Variants in RALGPS2 observed in about 807,000 individuals in gnomAD.
RALGPS2 encodes Ral GEF with PH domain and SH3 binding motif 2.
In RALGPS2, 43 loss-of-function variants were observed where a neutral mutation model predicts 86.8. The observed-to-expected ratio is 0.50, with a 90% CI of 0.39 to 0.64. The LOEUF (loss-of-function observed/expected upper bound fraction) is 0.64. Among genes scored for constraint, RALGPS2 ranks in the 30% least tolerant of loss-of-function variants. RALGPS2 has a pLI of 0.00. For synonymous variants in RALGPS2, 243 were observed against 231.3 expected, an observed-to-expected ratio of 1.05 and a Z score of -0.46; for missense variants, 536 against 694.6, an observed-to-expected ratio of 0.77 and a Z score of 2.57.
chr1:178,738,951 A>AT (rs1373569675), intron 1 of RALGPS2, among the ~76,000 whole-genome samples: 3 of 152,196 alleles, frequency 2.0e-5, no homozygotes, highest in African/African-American at 4.8e-5. Context: ...TGTCTAGAAC[A>AT]TTTTTTTGCC....
At chr1:178,737,535 C>T (rs571975568) in intron 1 of RALGPS2, among the ~76,000 whole-genome samples, 1 of 152,130 alleles carries the variant, frequency 6.6e-6, no homozygotes, top group Admixed American at 6.5e-5. Context: ...CATGAGCCAC[C>T]GCACCTGGCC....
chr1:178,892,086 AAG>A, intron 14 of RALGPS2, 142 bp from the exon 15 acceptor site: 2 of 795,802 alleles, frequency 2.5e-6, no homozygotes, highest in Non-Finnish European at 1.9e-6. Flanking sequence ...TTAAAAAAGA[AAG>A]AGGAACAATC....
chr1:178,753,331 T>C (rs1324082310), intron 1 of RALGPS2, among the ~76,000 whole-genome samples: 2 of 152,176 alleles, frequency 1.3e-5, no homozygotes, highest in African/African-American at 4.8e-5. Flanking sequence ...TTCTCTATGG[T>C]ATTTGGGGGT....
intron 11 of RALGPS2, 93 bp from the exon 12 acceptor site, chr1:178,884,983 C>A: frequency 1.6e-6 from 2 of 1,283,232 alleles, no homozygotes; most frequent in Non-Finnish European, 2.1e-6. Context: ...AACATCAGTA[C>A]TATCTCAAAA....
At chr1:178,747,756 G>T in intron 1 of RALGPS2, 1 of 1,004,766 alleles carries the variant, frequency 1.0e-6, no homozygotes, top group Admixed American at 1.9e-5. Context: ...GGTGGGCATG[G>T]CAGCAGGAGC....
chr1:178,749,096 C>T (rs971703142), intron 1 of RALGPS2, among the ~76,000 whole-genome samples: 6 of 152,138 alleles, frequency 3.9e-5, no homozygotes, highest in Non-Finnish European at 5.9e-5. Flanking sequence ...CTTACAGGTA[C>T]ACACCACCAA....
At chr1:178,851,215 G>T in intron 8 of RALGPS2, 3 of 1,614,006 alleles carry the variant, frequency 1.9e-6, no homozygotes, top group South Asian at 2.2e-5. Context: ...CCATCTTGGT[G>T]CTTGCTTCTG....
In RALGPS2 at chr1:178,918,273, A is replaced by G. The variant is rs1306125401; in HGVS notation, c.*1914A>G. 1.3e-5 allele frequency: 2 copies of G among 152,174 alleles called. No homozygotes were observed. Among genetic ancestry groups the G allele is most frequent in the Non-Finnish European group, 2.9e-5 (2 of 68,002 alleles). 9.4% of individuals were successfully genotyped at this position (152,174 alleles called of 1,614,324 possible). A position where few individuals can be genotyped will look rare whatever the true frequency, so the allele number is the denominator to read the frequency against. ...CAGTATTACTACGTAGACCTTGCAC[A>G]TCTTACTTTTGTTTTGCATTTTTAA... On this transcript the variant is annotated 3_prime_UTR_variant, in exon 20 of 20. Coordinates refer to ENST00000367635, the MANE Select transcript of RALGPS2 (RefSeq NM_152663.5).
At chr1:178,893,554 T>C (rs1414670407) in intron 15 of RALGPS2, among the ~76,000 whole-genome samples, 1 of 151,708 alleles carries the variant, frequency 6.6e-6, no homozygotes, top group Non-Finnish European at 1.5e-5. Flanking sequence ...ACTTAAAGTT[T>C]CTATGTGGAA....
At chr1:178,855,183 G>A (rs1299353649) in intron 8 of RALGPS2, among the ~76,000 whole-genome samples, 1 of 151,924 alleles carries the variant, frequency 6.6e-6, no homozygotes, top group Non-Finnish European at 1.5e-5. Context: ...TATTCCTTTT[G>A]GGTCTTACTG....
At chr1:178,872,842 T>C (rs972796970) in intron 8 of RALGPS2, among the ~76,000 whole-genome samples, 3 of 152,168 alleles carry the variant, frequency 2.0e-5, no homozygotes, top group African/African-American at 7.2e-5. Context: ...ATATGTTAAA[T>C]TGAAAATGAA....
rs1411617944 is a variant in RALGPS2, at chr1:178,765,461, G to A, written c.-83-11221G>A. Among the ~76,000 whole-genome samples, 5 of 152,164 alleles carry A rather than the reference G, an allele frequency of 3.3e-5. No individual in the cohort carries two copies. The East Asian group carries it at 9.6e-4, about 29-fold the overall frequency. ...GTACGAATAAGGTGTGGGTCACAGA[G>A]ATCACATGCTTCACAAGGTAATAAA... On this transcript the variant is annotated intron_variant, in intron 1 of 19. Coordinates refer to ENST00000367635, the MANE Select transcript of RALGPS2 (RefSeq NM_152663.5).
chr1:178,762,448 C>G (rs1371627806), intron 1 of RALGPS2, among the ~76,000 whole-genome samples: 1 of 152,166 alleles, frequency 6.6e-6, no homozygotes, highest in Non-Finnish European at 1.5e-5. Flanking sequence ...TCCACAGTGG[C>G]TGAACGAATT....
chr1:178,747,619 A>G (rs765232219), intron 1 of RALGPS2: 152 of 1,571,474 alleles, frequency 9.7e-5, no homozygotes, highest in Non-Finnish European at 1.2e-4. Context: ...GTCCTCTTCT[A>G]TGTCAACTAA....
intron 16 of RALGPS2, 138 bp downstream of exon 16, chr1:178,894,162 C>G (rs1659838767): frequency 3.6e-6 from 2 of 554,042 alleles, no homozygotes; most frequent in South Asian, 2.8e-5. Context: ...GTCCTCCCCT[C>G]TTATCCTTGG....
At chr1:178,789,208 T>C (rs1653835465) in intron 4 of RALGPS2, among the ~76,000 whole-genome samples, 1 of 152,148 alleles carries the variant, frequency 6.6e-6, no homozygotes, top group Admixed American at 6.5e-5. Flanking sequence ...TGCCCGGCCT[T>C]AAGCAGCTCT....
chr1:178,751,684 C>T (rs924982815), intron 1 of RALGPS2, among the ~76,000 whole-genome samples: 2 of 152,058 alleles, frequency 1.3e-5, no homozygotes, highest in African/African-American at 4.8e-5. Context: ...GGGTGGCCTC[C>T]GGAACTTATG....
chr1:178,876,948 C>G (rs1659032021), intron 8 of RALGPS2, among the ~76,000 whole-genome samples: 1 of 152,074 alleles, frequency 6.6e-6, no homozygotes, highest in South Asian at 2.1e-4. Flanking sequence ...AGATAATTTT[C>G]AAAGTAGTTA....
chr1:178,813,946 T>C (rs1655109109), intron 6 of RALGPS2, among the ~76,000 whole-genome samples: 1 of 152,150 alleles, frequency 6.6e-6, no homozygotes, highest in Admixed American at 6.5e-5. Flanking sequence ...CACATCAAAC[T>C]TACCATCACA....
Sources: gnomAD v4.1 joint callset for allele counts (sites outside exome capture counted in the v4.1 genomes callset) on GRCh38, gnomAD v4.1.1 for gene constraint, MANE v1.5 for transcripts, NCBI Gene and HGNC (gene_info 2026-07-23, HGNC 2026-07-21) for gene names.